CADM2: variants seen among roughly 807,000 people sequenced by gnomAD.
CADM2 encodes immunoglobulin superfamily member 4D.
CADM2 carries 12 observed loss-of-function variants against 49.8 expected under a neutral mutation model. The observed-to-expected ratio is 0.24, with a 90% CI of 0.15 to 0.39. The LOEUF is 0.39. CADM2 is among the 10% of genes least tolerant of loss of function. The pLI is 1.00. For missense variants in CADM2, 378 were observed against 492.3 expected, an observed-to-expected ratio of 0.77 and a Z score of 2.20; for synonymous variants, 214 against 175.4, an observed-to-expected ratio of 1.22 and a Z score of -1.74.
At chr3:86,046,307 T>C (rs1736678530) in intron 8 of CADM2, among the ~76,000 whole-genome samples, 1 of 152,206 alleles carries the variant, frequency 6.6e-6, no homozygotes, top group African/African-American at 2.4e-5. Context: ...TAATCATTTA[T>C]TTTAAAAACA....
At chr3:85,631,291 A>G (rs2064297774) in intron 1 of CADM2, among the ~76,000 whole-genome samples, 1 of 152,088 alleles carries the variant, frequency 6.6e-6, no homozygotes, top group Non-Finnish European at 1.5e-5. Flanking sequence ...TGCTGAAGAT[A>G]CTGTGGGGTA....
At chr3:86,057,455 G>T (rs1208598260) in intron 8 of CADM2, among the ~76,000 whole-genome samples, 1 of 152,102 alleles carries the variant, frequency 6.6e-6, no homozygotes, top group Non-Finnish European at 1.5e-5. Flanking sequence ...GCAGTGATCC[G>T]TTGCTCAGCA....
intron 1 of CADM2, among the ~76,000 whole-genome samples, chr3:85,244,537 A>G (rs912465330): frequency 1.3e-5 from 2 of 152,148 alleles, no homozygotes; most frequent in Non-Finnish European, 2.9e-5. Flanking sequence ...CTGCAGAAAT[A>G]CCTTTAGTTA....
chr3:85,911,476 A>G (rs188302171), intron 5 of CADM2, among the ~76,000 whole-genome samples: 33 of 152,358 alleles, frequency 2.2e-4, no homozygotes, highest in Admixed American at 1.2e-3. Context: ...CAGCCAAGTG[A>G]AGAGCATTCA....
chr3:85,524,863 GA>G (rs1344511514), intron 1 of CADM2, among the ~76,000 whole-genome samples: 3 of 152,130 alleles, frequency 2.0e-5, no homozygotes, highest in Non-Finnish European at 4.4e-5. Flanking sequence ...ATGTCCTCCT[GA>G]TGAACTGATA....
intron 5 of CADM2, among the ~76,000 whole-genome samples, chr3:85,901,151 G>A (rs1236960767): frequency 1.3e-5 from 2 of 152,152 alleles, no homozygotes; most frequent in Non-Finnish European, 2.9e-5. Flanking sequence ...CCAAGATGGT[G>A]CCATTGCACT....
chr3:85,433,227 G>A (rs2036767820), intron 1 of CADM2, among the ~76,000 whole-genome samples: 3 of 151,904 alleles, frequency 2.0e-5, no homozygotes, highest in South Asian at 4.2e-4. Context: ...ATCCTTTGAA[G>A]TCCAAATTTA....
intron 1 of CADM2, among the ~76,000 whole-genome samples, chr3:85,106,036 T>C (rs1018789862): frequency 1.3e-5 from 2 of 152,040 alleles, no homozygotes; most frequent in African/African-American, 4.8e-5. Context: ...ATGGCACATG[T>C]ATACATATGT....
chr3:85,145,071 C>A (rs952110236), intron 1 of CADM2, among the ~76,000 whole-genome samples: 1 of 152,088 alleles, frequency 6.6e-6, no homozygotes, highest in Non-Finnish European at 1.5e-5. Context: ...TCCAATTCTT[C>A]TAGAATGTTT....
intron 1 of CADM2, among the ~76,000 whole-genome samples, chr3:85,690,611 AGCCACTATT>A (rs1224749950): frequency 6.6e-6 from 1 of 152,186 alleles, no homozygotes; most frequent in Non-Finnish European, 1.5e-5. Flanking sequence ...GGAGTATAAC[AGCCACTATT>A]GCTAGCAGTC....
intron 3 of CADM2, among the ~76,000 whole-genome samples, chr3:85,868,751 C>A (rs2075813248): frequency 6.6e-6 from 1 of 152,012 alleles, no homozygotes; most frequent in African/African-American, 2.4e-5. Flanking sequence ...TGTGTGTAAT[C>A]TTTCCCTTCT....
intron 1 of CADM2, among the ~76,000 whole-genome samples, chr3:85,326,017 GT>G (rs1256266901): frequency 2.0e-5 from 3 of 152,240 alleles, no homozygotes; most frequent in Non-Finnish European, 1.5e-5. Context: ...AAACATAAAT[GT>G]TTATTATGGA....
intron 1 of CADM2, among the ~76,000 whole-genome samples, chr3:85,125,451 T>G (rs2039001659): frequency 6.6e-6 from 1 of 152,044 alleles, no homozygotes; most frequent in South Asian, 2.1e-4. Flanking sequence ...CCTTGACCAC[T>G]GGGCTCAGGT....
intron 8 of CADM2, among the ~76,000 whole-genome samples, chr3:86,012,304 G>T (rs1457631730): frequency 6.6e-6 from 1 of 152,140 alleles, no homozygotes; most frequent in Non-Finnish European, 1.5e-5. Context: ...TAACATATAT[G>T]AAAAGATCCT....
intron 6 of CADM2, among the ~76,000 whole-genome samples, chr3:85,924,466 T>G (rs565863532): frequency 5.9e-5 from 9 of 151,980 alleles, no homozygotes; most frequent in African/African-American, 1.9e-4. Flanking sequence ...GGTGGCGTGT[T>G]CCTGTAGCCC....
chr3:85,773,271 C>T, intron 2 of CADM2, among the ~76,000 whole-genome samples: 1 of 151,964 alleles, frequency 6.6e-6, no homozygotes, highest in East Asian at 1.9e-4. Context: ...ATAAACAGCC[C>T]CTTTTCCTTA....
At position 85,288,791 on chromosome 3, in the gene CADM2, C is replaced by CCCA. The variant is rs1171784780; in HGVS notation, c.61+329125_61+329126insACC. Among the ~76,000 whole-genome samples, 23 of 133,950 alleles carry CCCA rather than the reference C, an allele frequency of 1.7e-4. 2 individuals carry two copies. The highest frequency in any genetic ancestry group is 5.0e-5 in the Non-Finnish European group (3 of 60,358). 87.9% of individuals were successfully genotyped at this position (133,950 alleles called of 152,430 possible). A position where few individuals can be genotyped will look rare whatever the true frequency, so the allele number is the denominator to read the frequency against. On this transcript the variant is annotated intron_variant, in intron 1 of 9. Coordinates refer to ENST00000383699, the MANE Select transcript of CADM2 (RefSeq NM_001167675.2). ...ATTCTGCTTTACCAATATGCCCCCC[C>CCCA]CCCCTCTTTTTTTCCATCATGGCTA...
At chr3:85,367,437 G>C (rs2032866766) in intron 1 of CADM2, among the ~76,000 whole-genome samples, 1 of 151,590 alleles carries the variant, frequency 6.6e-6, no homozygotes. Flanking sequence ...ACAATATTAA[G>C]ACATTATTTT....
At chr3:85,578,017 T>TTCCTTCCTTCCTTCCTTCCTTCCC (rs2062689592) in intron 1 of CADM2, among the ~76,000 whole-genome samples, 1 of 151,168 alleles carries the variant, frequency 6.6e-6, no homozygotes, top group African/African-American at 2.4e-5. Context: ...CCTTCCTTCC[T>TTCCTTCCTTCCTTCCTTCCTTCCC]TCCTTCCTTC....
Sources: allele counts gnomAD v4.1 joint callset (sites outside exome capture counted in the v4.1 genomes callset), GRCh38; gene constraint gnomAD v4.1.1; transcripts MANE v1.5; gene names NCBI Gene and HGNC (gene_info 2026-07-23, HGNC 2026-07-21).